The following AUTS2 variants were observed in gnomAD, a reference collection of about 807,000 sequenced individuals.
The protein encoded by AUTS2 is activator of transcription and developmental regulator AUTS2.
AUTS2 carries 17 observed loss-of-function variants against 112.4 expected under a neutral mutation model. The ratio of observed to expected loss-of-function variants is 0.15; its 90% CI spans 0.10 to 0.23. The LOEUF (loss-of-function observed/expected upper bound fraction) is 0.23. Among genes scored for constraint, AUTS2 ranks in the 10% least tolerant of loss-of-function variants. The probability of loss-of-function intolerance (pLI) is 1.00; values close to 1 mark genes in which losing one functional copy is unlikely to be tolerated. For synonymous variants in AUTS2, 751 were observed against 702.7 expected (o/e 1.07, Z -1.09); for missense variants, 1,510 against 1,701.6 (o/e 0.89, Z 1.98).
intron 5 of AUTS2, among the ~76,000 whole-genome samples, chr7:70,549,064 T>G (rs1800913953): frequency 6.6e-6 from 1 of 152,218 alleles, no homozygotes; most frequent in Non-Finnish European, 1.5e-5. Context: ...TTCGTTTATT[T>G]AGATCTTTAA....
chr7:70,233,712 A>T (rs766702912), intron 4 of AUTS2, among the ~76,000 whole-genome samples: 7 of 152,222 alleles, frequency 4.6e-5, no homozygotes, highest in Non-Finnish European at 1.0e-4. Flanking sequence ...TTTGATGCTA[A>T]CATTATCCCC....
At chr7:69,920,285 CTCTT>C (rs1457313803) in intron 2 of AUTS2, among the ~76,000 whole-genome samples, 2 of 151,956 alleles carry the variant, frequency 1.3e-5, no homozygotes, top group Non-Finnish European at 1.5e-5. Context: ...CCTGTCCTCT[CTCTT>C]TCTTTCTTTT....
chr7:70,121,198 CAAAAT>C (rs1480495410), intron 3 of AUTS2, among the ~76,000 whole-genome samples: 1 of 152,092 alleles, frequency 6.6e-6, no homozygotes, highest in Non-Finnish European at 1.5e-5. Flanking sequence ...AAAATAAACT[CAAAAT>C]GAATCAATGA....
chr7:70,379,901 G>T (rs1793291417), intron 4 of AUTS2, among the ~76,000 whole-genome samples: 1 of 152,162 alleles, frequency 6.6e-6, no homozygotes, highest in African/African-American at 2.4e-5. Flanking sequence ...TGTACCAGAG[G>T]CAAATAACTG....
At chr7:69,924,739 T>A (rs1337781002) in intron 2 of AUTS2, among the ~76,000 whole-genome samples, 2 of 152,066 alleles carry the variant, frequency 1.3e-5, no homozygotes, top group South Asian at 2.1e-4. Context: ...TTAGTAGAGA[T>A]GAGGTTTCTC....
At chr7:70,440,226 T>TAAAAA (rs768717430) in intron 5 of AUTS2, among the ~76,000 whole-genome samples, 2 of 92,838 alleles carry the variant, frequency 2.2e-5, no homozygotes, top group Non-Finnish European at 4.5e-5. Flanking sequence ...GCCCTGTCTC[T>TAAAAA]AAAAAAAAAA....
At chr7:70,327,625 C>A (rs1437640943) in intron 4 of AUTS2, among the ~76,000 whole-genome samples, 1 of 152,154 alleles carries the variant, frequency 6.6e-6, no homozygotes, top group African/African-American at 2.4e-5. Context: ...TAATAAGATG[C>A]ACAGCTAGTA....
At chr7:70,756,487 A>C (rs914861275) in intron 6 of AUTS2, among the ~76,000 whole-genome samples, 5 of 152,246 alleles carry the variant, frequency 3.3e-5, no homozygotes, top group Non-Finnish European at 7.3e-5. Flanking sequence ...GGAATGAAAT[A>C]GATACTTAAT....
chr7:69,934,291 T>C (rs1173464865), intron 2 of AUTS2, among the ~76,000 whole-genome samples: 1 of 152,128 alleles, frequency 6.6e-6, no homozygotes, highest in African/African-American at 2.4e-5. Flanking sequence ...TAGAGTGCAG[T>C]AGAAAGAGCG....
At chr7:70,454,611 C>T (rs1796660945) in intron 5 of AUTS2, among the ~76,000 whole-genome samples, 2 of 152,066 alleles carry the variant, frequency 1.3e-5, no homozygotes, top group African/African-American at 2.4e-5. Context: ...AGTAACTACT[C>T]GGGCCGGGCA....
At chr7:70,717,271 C>A (rs562850332) in intron 6 of AUTS2, among the ~76,000 whole-genome samples, 1 of 152,112 alleles carries the variant, frequency 6.6e-6, no homozygotes, top group African/African-American at 2.4e-5. Flanking sequence ...GTCTGGAACT[C>A]CTGGCCTCAA....
At chr7:70,509,128 T>C (rs1799084610) in intron 5 of AUTS2, among the ~76,000 whole-genome samples, 2 of 152,256 alleles carry the variant, frequency 1.3e-5, no homozygotes. Context: ...CATTACACTT[T>C]CTTTCTTCGC....
At chr7:70,027,112 G>C (rs1270287782) in intron 2 of AUTS2, among the ~76,000 whole-genome samples, 1 of 152,074 alleles carries the variant, frequency 6.6e-6, no homozygotes, top group East Asian at 1.9e-4. Flanking sequence ...TTTAAGGTAT[G>C]CTCGGCTAAG....
At chr7:70,672,622 G>A (rs534848377) in intron 5 of AUTS2, among the ~76,000 whole-genome samples, 19 of 150,544 alleles carry the variant, frequency 1.3e-4, no homozygotes, top group Non-Finnish European at 7.4e-5. Flanking sequence ...TTCTTTTTTT[G>A]AGACGGAATC....
At chr7:70,557,497 C>T (rs4492249) in intron 5 of AUTS2, among the ~76,000 whole-genome samples, 45,005 of 152,114 alleles carry the variant, frequency 0.3, 7,125 homozygotes, top group Admixed American at 0.42. Flanking sequence ...GCAGATTAGC[C>T]TGTTTGTATA....
At chr7:70,036,511 G>A (rs1801009356) in intron 2 of AUTS2, among the ~76,000 whole-genome samples, 1 of 152,162 alleles carries the variant, frequency 6.6e-6, no homozygotes, top group South Asian at 2.1e-4. Flanking sequence ...GAGAAGCCTT[G>A]GTTTCCTAGT....
chr7:69,757,533 A>G (rs1022866163), intron 1 of AUTS2, among the ~76,000 whole-genome samples: 4 of 152,126 alleles, frequency 2.6e-5, no homozygotes, highest in Admixed American at 6.5e-5. Flanking sequence ...ATTTATTTGG[A>G]GAGAAAAATG....
intron 6 of AUTS2, among the ~76,000 whole-genome samples, chr7:70,725,646 T>A (rs187238086): frequency 2.5e-4 from 38 of 152,306 alleles, no homozygotes; most frequent in African/African-American, 9.1e-4. Context: ...CAGGGATTGA[T>A]GTATCTGATT....
chr7:69,781,433 G>A (rs974219108), intron 1 of AUTS2, among the ~76,000 whole-genome samples: 1 of 152,216 alleles, frequency 6.6e-6, no homozygotes, highest in Non-Finnish European at 1.5e-5. Flanking sequence ...GTGTGGGCTG[G>A]AGGTACCAGC....
Sources: allele counts gnomAD v4.1 joint callset (sites outside exome capture counted in the v4.1 genomes callset), GRCh38; gene constraint gnomAD v4.1.1; transcripts MANE v1.5; gene names NCBI Gene and HGNC (gene_info 2026-07-23, HGNC 2026-07-21).